ERICH6B: variants seen among roughly 807,000 people sequenced by gnomAD.
The protein encoded by ERICH6B is glutamate-rich protein 6B.
A neutral mutation model predicts 80.0 loss-of-function variants in ERICH6B; 69 were observed. The ratio of observed to expected loss-of-function variants is 0.86; its 90% CI spans 0.71 to 1.05. ERICH6B has a LOEUF of 1.05. ERICH6B is among the 50% of genes least tolerant of loss of function. ERICH6B has a pLI of 0.00. For synonymous variants in ERICH6B, 283 were observed against 291.9 expected, an observed-to-expected ratio of 0.97 and a Z score of 0.31; for missense variants, 754 against 796.1, an observed-to-expected ratio of 0.95 and a Z score of 0.64.
intron 11 of ERICH6B, chr13:45,553,266 T>A (rs1319646959): frequency 1.8e-5 from 3 of 168,656 alleles, no homozygotes; most frequent in Non-Finnish European, 3.9e-5. Context: ...GTGCTGATTC[T>A]CCCTTCTGAC....
At chr13:45,549,176 CGAGAGGTTAAGGCAG>C (rs544450187) in intron 13 of ERICH6B, among the ~76,000 whole-genome samples, 21 of 151,776 alleles carry the variant, frequency 1.4e-4, no homozygotes, top group Non-Finnish European at 2.6e-4. Context: ...CTCAGCTACT[CGAGAGGTTAAGGCAG>C]GAGAATTGCT....
chr13:45,614,465 G>C (rs1413130245), intron 1 of ERICH6B, among the ~76,000 whole-genome samples: 1 of 152,214 alleles, frequency 6.6e-6, no homozygotes, highest in Non-Finnish European at 1.5e-5. Context: ...AACGGAAGGA[G>C]AGGCACACAG....
chr13:45,589,818 C>T (rs1348969976), intron 4 of ERICH6B, among the ~76,000 whole-genome samples: 1 of 152,198 alleles, frequency 6.6e-6, no homozygotes, highest in Non-Finnish European at 1.5e-5. Context: ...TTGTGCATCA[C>T]CTGCAGTGGA....
At chr13:45,562,184 G>A (rs1054825689) in intron 10 of ERICH6B, among the ~76,000 whole-genome samples, 1 of 152,116 alleles carries the variant, frequency 6.6e-6, no homozygotes, top group Non-Finnish European at 1.5e-5. Context: ...TGCCTCAGCT[G>A]GGATTACAGG....
intron 2 of ERICH6B, among the ~76,000 whole-genome samples, chr13:45,607,090 T>G (rs980488506): frequency 6.6e-6 from 1 of 152,132 alleles, no homozygotes; most frequent in Non-Finnish European, 1.5e-5. Flanking sequence ...TGAGTCTTAG[T>G]ATTTCTGCAG....
Position 45,606,499 on chromosome 13 carries a change from GTATGTGTATATATATATATATATATA to G in ERICH6B, c.-59+1039_-59+1064del, listed in dbSNP as rs1225204454. Among the ~76,000 whole-genome samples the G allele has an allele frequency of 4.1e-3, 167 of 40,732 alleles. 9 individuals are homozygous for G. The highest frequency in any genetic ancestry group is 0.017 in the African/African-American group (152 of 9,114). The allele number at this position is 40,732 out of a possible 152,430, so 26.7% of individuals were successfully genotyped here. A position where few individuals can be genotyped will look rare whatever the true frequency, so the allele number is the denominator to read the frequency against. On this transcript the variant is annotated intron_variant, in intron 2 of 14. Coordinates refer to ENST00000298738, the MANE Select transcript of ERICH6B (RefSeq NM_182542.3). ...TCTTCTTGGCTGAGATCCCAAAAGT[GTATGTGTATATATATATATATATATA>G]TATATATATATATATATATATATTT...
intron 1 of ERICH6B, among the ~76,000 whole-genome samples, chr13:45,610,304 G>A (rs1367029925): frequency 6.6e-6 from 1 of 151,968 alleles, no homozygotes; most frequent in African/African-American, 2.4e-5. Flanking sequence ...CAACAAGCAG[G>A]AGAACCATTT....
chr13:45,575,313 G>T (rs754180552), intron 7 of ERICH6B, among the ~76,000 whole-genome samples: 10 of 152,218 alleles, frequency 6.6e-5, no homozygotes, highest in African/African-American at 2.4e-4. Flanking sequence ...AGGTGCAAAG[G>T]CCCTGAGGTG....
At chr13:45,550,992 C>A (rs1874199490) in intron 11 of ERICH6B, among the ~76,000 whole-genome samples, 1 of 152,164 alleles carries the variant, frequency 6.6e-6, no homozygotes, top group African/African-American at 2.4e-5. Context: ...ACAATTCAAC[C>A]CATAACATTG....
intron 2 of ERICH6B, among the ~76,000 whole-genome samples, chr13:45,601,287 G>A (rs564347959): frequency 2.6e-5 from 4 of 152,230 alleles, no homozygotes; most frequent in South Asian, 2.1e-4. Flanking sequence ...ATGGTGGTGC[G>A]CACTGATAGT....
At chr13:45,590,075 G>A (rs867276046) in intron 4 of ERICH6B, among the ~76,000 whole-genome samples, 6 of 152,214 alleles carry the variant, frequency 3.9e-5, no homozygotes, top group African/African-American at 1.2e-4. Flanking sequence ...ATCCTTTGGG[G>A]AGAAAGTGTA....
chr13:45,551,951 C>T (rs570678690), intron 11 of ERICH6B, among the ~76,000 whole-genome samples: 1 of 152,246 alleles, frequency 6.6e-6, no homozygotes, highest in East Asian at 1.9e-4. Context: ...TCTGTGATTC[C>T]CTGTTACAGC....
chr13:45,585,563 T>A lies in ERICH6B; in HGVS notation c.856+1500A>T, dbSNP rs7996425. Among the ~76,000 whole-genome samples, 1,174 of 151,956 alleles carry A rather than the reference T, an allele frequency of 7.7e-3. 12 individuals carry two copies. Among genetic ancestry groups the A allele is most frequent in the African/African-American group, 0.027 (1,113 of 41,420 alleles). On this transcript the variant is annotated intron_variant, in intron 5 of 14. Transcript: ENST00000298738. The stretch of plus-strand genomic sequence containing the variant: ...GTTTCAATCTTTGTTCTAATGACCA[T>A]CCCCCCACCCCAAGTAACTGCAGGA...
chr13:45,574,280 G>A (rs928113991), intron 8 of ERICH6B, among the ~76,000 whole-genome samples: 1 of 152,088 alleles, frequency 6.6e-6, no homozygotes, highest in Non-Finnish European at 1.5e-5. Flanking sequence ...GTTGATGCAG[G>A]AAATTCGAGC....
intron 11 of ERICH6B, among the ~76,000 whole-genome samples, chr13:45,560,934 C>T (rs762300676): frequency 5.3e-5 from 8 of 151,948 alleles, no homozygotes; most frequent in South Asian, 2.1e-4. Flanking sequence ...TTTTTAGAGG[C>T]GGGGTCTTGC....
At chr13:45,593,938 A>T (rs887188030) in intron 3 of ERICH6B, among the ~76,000 whole-genome samples, 18 of 152,172 alleles carry the variant, frequency 1.2e-4, no homozygotes, top group African/African-American at 4.3e-4. Context: ...GGATAAGGTT[A>T]AAAAAATTTG....
intron 5 of ERICH6B, among the ~76,000 whole-genome samples, chr13:45,585,013 C>G (rs764660324): frequency 6.6e-6 from 1 of 152,160 alleles, no homozygotes; most frequent in South Asian, 2.1e-4. Flanking sequence ...TCATCTTTGT[C>G]GCCATCTTCA....
intron 10 of ERICH6B, among the ~76,000 whole-genome samples, chr13:45,562,877 A>T (rs936440746): frequency 6.6e-6 from 1 of 152,216 alleles, no homozygotes; most frequent in African/African-American, 2.4e-5. Context: ...ATGAATTGGT[A>T]CTGGGGGTAA....
chr13:45,615,527 T>C, intron 1 of ERICH6B, among the ~76,000 whole-genome samples, 158 bp downstream of exon 1: 1 of 152,208 alleles, frequency 6.6e-6, no homozygotes, highest in East Asian at 1.9e-4. Context: ...AACAAAGAAG[T>C]CTATGTACTT....
Sources: gnomAD v4.1 joint callset for allele counts (sites outside exome capture counted in the v4.1 genomes callset) on GRCh38, gnomAD v4.1.1 for gene constraint, MANE v1.5 for transcripts, NCBI Gene and HGNC (gene_info 2026-07-23, HGNC 2026-07-21) for gene names.